ATP6AP2: variants seen among roughly 807,000 people sequenced by gnomAD.
The protein encoded by ATP6AP2 is ATPase H+ transporting accessory protein 2, also known as renin receptor.
Under a neutral mutation model 23.4 loss-of-function variants are expected in ATP6AP2, and 1 was observed. The ratio of observed to expected loss-of-function variants is 0.04; its 90% CI spans 0.02 to 0.20. ATP6AP2 has a LOEUF of 0.20. ATP6AP2 is among the 10% of genes least tolerant of loss of function. The pLI, the probability that ATP6AP2 is intolerant of heterozygous loss-of-function variation, is 1.00. For synonymous variants in ATP6AP2, 90 were observed against 97.1 expected, an observed-to-expected ratio of 0.93 and a Z score of 0.43; for missense variants, 174 against 271.3, an observed-to-expected ratio of 0.64 and a Z score of 2.52.
intron 8 of ATP6AP2, among the ~76,000 whole-genome samples, chrX:40,604,754 G>C (rs1281905167): frequency 4.5e-5 from 5 of 111,063 alleles, no homozygotes; most frequent in African/African-American, 1.6e-4. Flanking sequence ...GTGTTGTTTG[G>C]TTTTGCCTGT....
intron 7 of ATP6AP2, chrX:40,599,973 C>T (rs1926865708): frequency 5.2e-6 from 2 of 386,756 alleles, no homozygotes; most frequent in Non-Finnish European, 9.0e-6. Flanking sequence ...CAAAGCTTTA[C>T]AAAATTATTG....
At chrX:40,591,765 C>T (rs1372969567) in intron 3 of ATP6AP2, 6 of 200,682 alleles carry the variant, frequency 3.0e-5, no homozygotes, top group Non-Finnish European at 5.5e-5. Flanking sequence ...CTTGCTGGCT[C>T]ACTTACTCCT....
At chrX:40,587,513 CT>C (rs1250687065) in intron 1 of ATP6AP2, among the ~76,000 whole-genome samples, 1 of 112,248 alleles carries the variant, frequency 8.9e-6, no homozygotes, top group African/African-American at 3.2e-5. Flanking sequence ...AACCTGAAGC[CT>C]TTTATTTACT....
intron 2 of ATP6AP2, chrX:40,589,509 A>G (rs1456279708): frequency 6.6e-6 from 1 of 152,090 alleles, no homozygotes; most frequent in Non-Finnish European, 1.3e-5. Flanking sequence ...AATTCTTTGT[A>G]TATTAGAGAA....
intron 3 of ATP6AP2, 21 bp downstream of exon 3, chrX:40,591,386 A>T: frequency 8.3e-7 from 1 of 1,199,917 alleles, no homozygotes. Flanking sequence ...ATTATAAAAA[A>T]TTAAAGGGAT....
intron 8 of ATP6AP2, 95 bp downstream of exon 8, chrX:40,600,976 A>ATG (rs1926891897): frequency 1.1e-6 from 1 of 893,242 alleles, no homozygotes. Flanking sequence ...GGTGACATGA[A>ATG]TGAGCAGTCA....
At chrX:40,581,303 C>CGGGGCT (rs1382258637) in intron 1 of ATP6AP2, among the ~76,000 whole-genome samples, 4 of 113,369 alleles carry the variant, frequency 3.5e-5, no homozygotes, top group Non-Finnish European at 5.6e-5. Context: ...CCGCCGGGGC[C>CGGGGCT]GGGGCTGGGC....
intron 8 of ATP6AP2, among the ~76,000 whole-genome samples, chrX:40,602,326 G>T (rs1036785124): frequency 1.0e-5 from 1 of 97,812 alleles, no homozygotes; most frequent in Non-Finnish European, 1.9e-5. Flanking sequence ...AGTTCAGCTC[G>T]CAAGAAAGGG....
At chrX:40,591,386 A>C (rs934480485) in intron 3 of ATP6AP2, 21 bp downstream of exon 3, 7 of 1,198,489 alleles carry the variant, frequency 5.8e-6, no homozygotes, top group Non-Finnish European at 7.9e-6. Flanking sequence ...ATTATAAAAA[A>C]TTAAAGGGAT....
At position 40,605,578 on chromosome X, in the gene ATP6AP2, C is replaced by T; in HGVS notation, c.876C>T (p.Pro292=). The T allele has an allele frequency of 1.7e-6, 2 of 1,206,073 alleles. No homozygotes were observed. The highest frequency in any genetic ancestry group is 3.5e-5 in the South Asian group (2 of 56,900). The change falls in exon 9 of 9, where the codon CCC becomes CCT. Residue 292 remains proline (P), a synonymous_variant. Transcript: ENST00000636580. ...TATTGTAGAAGAACCCAGCAAGTCC[C>T]TATAACCTTGCATATAAGTATAATT... The part of the protein sequence containing the change: ...EAKQAKNPAS[P]YNLAYKYNFE...
chrX:40,600,976 A>T (rs868510664), intron 8 of ATP6AP2, 95 bp downstream of exon 8: 2 of 893,242 alleles, frequency 2.2e-6, no homozygotes, highest in African/African-American at 4.0e-5. Context: ...GGTGACATGA[A>T]TGAGCAGTCA....
chrX:40,581,135 G>A (rs1468364667), intron 1 of ATP6AP2, 33 bp downstream of exon 1: 1 of 1,142,829 alleles, frequency 8.8e-7, no homozygotes, highest in East Asian at 3.4e-5. Flanking sequence ...GACGTGCCTG[G>A]GGAGGTCCTG....
intron 1 of ATP6AP2, 32 bp from the exon 2 acceptor site, chrX:40,588,954 A>G (rs1228471420): frequency 1.4e-5 from 17 of 1,192,198 alleles, no homozygotes; most frequent in Non-Finnish European, 1.9e-5. Context: ...TATGATGTTG[A>G]TAATTCATTT....
intron 1 of ATP6AP2, among the ~76,000 whole-genome samples, chrX:40,582,180 C>T (rs1926345278): frequency 1.8e-5 from 2 of 111,872 alleles, no homozygotes; most frequent in Admixed American, 9.4e-5. Flanking sequence ...GTAATCCCGG[C>T]ACTTTGGGAG....
intron 2 of ATP6AP2, 137 bp downstream of exon 2, chrX:40,589,253 C>T: frequency 2.6e-6 from 2 of 761,641 alleles, no homozygotes; most frequent in Non-Finnish European, 1.9e-6. Context: ...CTCATCTGGA[C>T]CAGGCACAGT....
rs576604440 is a variant in ATP6AP2, at chrX:40,581,429, T to A, written c.37+327T>A. 4.7e-4 allele frequency among the ~76,000 whole-genome samples: 53 copies of A among 112,798 alleles called. 1 individual carries two copies. The South Asian group carries it at 0.018, about 39-fold the overall frequency. On this transcript the variant is annotated intron_variant, in intron 1 of 8. Transcript: ENST00000636580. The stretch of plus-strand genomic sequence containing the variant: ...TACGGAGATGCATTTCTCAGTGAAC[T>A]GGGATTGAGTCGCAGCCCGCTGCGA...
At chrX:40,588,777 T>C (rs983521244) in intron 1 of ATP6AP2, among the ~76,000 whole-genome samples, 21 of 111,920 alleles carry the variant, frequency 1.9e-4, no homozygotes, top group Admixed American at 1.8e-3. Flanking sequence ...ATAGTTGTAC[T>C]TTTGTTCCAG....
intron 1 of ATP6AP2, among the ~76,000 whole-genome samples, chrX:40,582,376 C>T (rs985644506): frequency 1.8e-5 from 2 of 111,855 alleles, no homozygotes; most frequent in Non-Finnish European, 3.8e-5. Flanking sequence ...TGCAGTGAGC[C>T]GAGATCGCGC....
At chrX:40,603,042 T>C (rs943600334) in intron 8 of ATP6AP2, among the ~76,000 whole-genome samples, 1 of 104,077 alleles carries the variant, frequency 9.6e-6, no homozygotes, top group African/African-American at 3.6e-5. Flanking sequence ...CAAGTGATTC[T>C]CCTGCCTCAG....
Sources: allele counts gnomAD v4.1 joint callset (sites outside exome capture counted in the v4.1 genomes callset), GRCh38; gene constraint gnomAD v4.1.1; transcripts MANE v1.5; gene names NCBI Gene and HGNC (gene_info 2026-07-23, HGNC 2026-07-21).